Variants in ADGRB3 observed in about 807,000 individuals in gnomAD.
ADGRB3 encodes the protein adhesion G protein-coupled receptor B3.
ADGRB3 carries 37 observed loss-of-function variants against 193.4 expected under a neutral mutation model. The ratio of observed to expected loss-of-function variants is 0.19; its 90% CI spans 0.15 to 0.25. The LOEUF (loss-of-function observed/expected upper bound fraction) is 0.25, where lower values mean the gene tolerates loss of function less well. Ranked by LOEUF, ADGRB3 falls within the 10% of genes least tolerant of loss-of-function variation. ADGRB3 has a pLI of 1.00. For missense variants in ADGRB3, 1,637 were observed against 1,852.9 expected (o/e 0.88, Z 2.14); for synonymous variants, 690 against 644.2 (o/e 1.07, Z -1.08).
At chr6:68,955,879 T>A (rs538905792) in intron 6 of ADGRB3, 145 bp from the exon 7 acceptor site, 1 of 671,232 alleles carries the variant, frequency 1.5e-6, no homozygotes, top group Admixed American at 3.4e-5. Context: ...GTTAATAAAA[T>A]CTCATGCTGG....
chr6:68,763,794 C>T (rs552305478), intron 3 of ADGRB3, among the ~76,000 whole-genome samples: 7 of 152,018 alleles, frequency 4.6e-5, no homozygotes, highest in Admixed American at 2.0e-4. Context: ...GGTGCGGTGG[C>T]GGTGGTGGTG....
chr6:68,649,609 ATGTATT>A (rs951124615), intron 3 of ADGRB3, among the ~76,000 whole-genome samples: 29 of 152,352 alleles, frequency 1.9e-4, no homozygotes, highest in African/African-American at 6.7e-4. Context: ...TTTAAAGAGC[ATGTATT>A]TCAACTTCAG....
chr6:68,950,966 A>T (rs886354654), intron 6 of ADGRB3, among the ~76,000 whole-genome samples: 1 of 152,146 alleles, frequency 6.6e-6, no homozygotes, highest in Non-Finnish European at 1.5e-5. Context: ...CGCATGGCCT[A>T]TAGGGCCCTA....
In ADGRB3 at chr6:69,329,825, TGA is replaced by T. The variant is rs1768674961; in HGVS notation, c.3036-676_3036-675del. 2.6e-5 allele frequency among the ~76,000 whole-genome samples: 4 copies of T among 152,334 alleles called. No homozygotes were observed. In the South Asian group the frequency reaches 6.2e-4, roughly 24 times the overall value. On this transcript the variant is annotated intron_variant, in intron 22 of 31. Transcript: ENST00000370598. ...ATTCCCTCTGCATTTCCCTCTGCTGTGAGAGACTGTTTCTCCCCAAATGGATT... is the reference window on the plus strand; with the variant it reads ...ATTCCCTCTGCATTTCCCTCTGCTGTGAGACTGTTTCTCCCCAAATGGATT...
At chr6:68,737,976 G>A (rs1015628061) in intron 3 of ADGRB3, among the ~76,000 whole-genome samples, 1 of 152,034 alleles carries the variant, frequency 6.6e-6, no homozygotes, top group African/African-American at 2.4e-5. Flanking sequence ...GTGTTATGAA[G>A]AAAAATAAAG....
intron 10 of ADGRB3, among the ~76,000 whole-genome samples, chr6:68,981,801 A>G (rs1348738912): frequency 1.3e-5 from 2 of 151,482 alleles, no homozygotes; most frequent in African/African-American, 2.4e-5. Context: ...TTTTAAGATC[A>G]CAACACTTTT....
intron 3 of ADGRB3, among the ~76,000 whole-genome samples, chr6:68,742,727 T>A (rs888918398): frequency 3.9e-5 from 6 of 152,096 alleles, no homozygotes; most frequent in Non-Finnish European, 8.8e-5. Flanking sequence ...AAATATTAAT[T>A]GAAGTCTTAA....
At chr6:69,238,073 C>G (rs992170628) in intron 19 of ADGRB3, among the ~76,000 whole-genome samples, 3 of 151,858 alleles carry the variant, frequency 2.0e-5, no homozygotes, top group Non-Finnish European at 2.9e-5. Flanking sequence ...GGGGTTCTAC[C>G]TTGATTGTCC....
intron 3 of ADGRB3, among the ~76,000 whole-genome samples, chr6:68,888,866 A>T (rs1765989377): frequency 6.6e-6 from 1 of 152,198 alleles, no homozygotes; most frequent in African/African-American, 2.4e-5. Flanking sequence ...CTTGGTCCTC[A>T]GCATGTTCAA....
chr6:68,980,456 A>T (rs544475477), intron 10 of ADGRB3, among the ~76,000 whole-genome samples: 1 of 151,634 alleles, frequency 6.6e-6, no homozygotes, highest in South Asian at 2.1e-4. Flanking sequence ...TCTCAAGTTA[A>T]TGCAACAAAA....
intron 20 of ADGRB3, among the ~76,000 whole-genome samples, chr6:69,280,839 G>A (rs1028638819): frequency 1.3e-5 from 2 of 151,732 alleles, no homozygotes. Context: ...ACATGCTTCT[G>A]TAACTACAAA....
At chr6:69,239,971 C>G (rs781733140) in intron 20 of ADGRB3, among the ~76,000 whole-genome samples, 1 of 152,104 alleles carries the variant, frequency 6.6e-6, no homozygotes, top group East Asian at 1.9e-4. Flanking sequence ...ATTTGTCAAT[C>G]GATCACATGC....
At chr6:68,981,815 G>A (rs1768917698) in intron 10 of ADGRB3, among the ~76,000 whole-genome samples, 2 of 150,770 alleles carry the variant, frequency 1.3e-5, no homozygotes, top group Admixed American at 6.6e-5. Context: ...CACTTTTGGG[G>A]TTCTCCAAAG....
chr6:68,987,366 T>G (rs1769109901), intron 10 of ADGRB3, among the ~76,000 whole-genome samples: 1 of 152,090 alleles, frequency 6.6e-6, no homozygotes, highest in South Asian at 2.1e-4. Context: ...GGTTACACAT[T>G]ATATTCCATA....
At chr6:69,364,490 T>C (rs1310542861) in intron 29 of ADGRB3, among the ~76,000 whole-genome samples, 1 of 152,056 alleles carries the variant, frequency 6.6e-6, no homozygotes, top group Non-Finnish European at 1.5e-5. Context: ...ATATAAAAAG[T>C]TCAATAAATT....
chr6:68,859,703 A>G (rs1210858947), intron 3 of ADGRB3, among the ~76,000 whole-genome samples: 1 of 152,142 alleles, frequency 6.6e-6, no homozygotes, highest in African/African-American at 2.4e-5. Flanking sequence ...CACCCCTAGG[A>G]TTCAATTATC....
chr6:68,871,236 A>G (rs999970212), intron 3 of ADGRB3, among the ~76,000 whole-genome samples: 2 of 152,242 alleles, frequency 1.3e-5, no homozygotes, highest in Admixed American at 1.3e-4. Flanking sequence ...TCAGTTGTCT[A>G]TTACAAGGAG....
chr6:68,928,841 A>T (rs1344051353), intron 3 of ADGRB3, among the ~76,000 whole-genome samples: 1 of 152,202 alleles, frequency 6.6e-6, no homozygotes, highest in Non-Finnish European at 1.5e-5. Flanking sequence ...CTTAAAATAC[A>T]AATTCAAGAG....
At chr6:68,823,771 T>A (rs1767789882) in intron 3 of ADGRB3, among the ~76,000 whole-genome samples, 1 of 152,140 alleles carries the variant, frequency 6.6e-6, no homozygotes, top group Non-Finnish European at 1.5e-5. Context: ...ATAGCTTTAT[T>A]AAGCTAAATA....
Sources: allele counts gnomAD v4.1 joint callset (sites outside exome capture counted in the v4.1 genomes callset), GRCh38; gene constraint gnomAD v4.1.1; transcripts MANE v1.5; gene names NCBI Gene and HGNC (gene_info 2026-07-23, HGNC 2026-07-21).